The following LYRM4 variants were observed in gnomAD, a reference collection of about 807,000 sequenced individuals.
LYRM4 encodes the protein LYR motif-containing protein 4.
LYRM4 carries 9 observed loss-of-function variants against 11.7 expected under a neutral mutation model. The ratio of observed to expected loss-of-function variants is 0.77; its 90% CI spans 0.46 to 1.34. LYRM4 has a LOEUF of 1.34. LYRM4 is among the 40% of genes most tolerant of loss of function. The pLI is 0.00. For synonymous variants in LYRM4, 42 were observed against 40.4 expected (o/e 1.04, Z -0.15); for missense variants, 133 against 112.5 (o/e 1.18, Z -0.82).
the LYRM4 span, among the ~76,000 whole-genome samples, chr6:5,074,718 A>G: frequency 6.6e-6 from 1 of 150,620 alleles, no homozygotes; most frequent in East Asian, 1.9e-4. Flanking sequence ...CAAGTAAGGG[A>G]AGTGATTAAG....
At chr6:5,068,102 C>T in the LYRM4 span, among the ~76,000 whole-genome samples, 2 of 152,344 alleles carry the variant, frequency 1.3e-5, no homozygotes, top group South Asian at 2.1e-4. The surrounding 1 kb of genome is among the most constrained non-coding windows in gnomAD (Gnocchi z 4.0). Flanking sequence ...TGCCCACACT[C>T]TGATTGATTT....
intron 2 of LYRM4, among the ~76,000 whole-genome samples, chr6:5,197,946 G>A (rs553305279): frequency 6.6e-6 from 1 of 152,052 alleles, no homozygotes; most frequent in Non-Finnish European, 1.5e-5. Flanking sequence ...TGAGGTGGGC[G>A]GATCACCTGA....
intron 1 of LYRM4, among the ~76,000 whole-genome samples, chr6:5,257,405 C>T (rs984040140): frequency 6.6e-6 from 1 of 152,216 alleles, no homozygotes; most frequent in Non-Finnish European, 1.5e-5. Context: ...CAGCACTTAA[C>T]CCAGTCTGTG....
At chr6:5,060,616 C>T in the LYRM4 span, among the ~76,000 whole-genome samples, 1 of 152,044 alleles carries the variant, frequency 6.6e-6, no homozygotes, top group South Asian at 2.1e-4. Flanking sequence ...ACACGTCTGC[C>T]TCTCGGGTTC....
At chr6:5,153,090 T>C (rs1758186607) in intron 2 of LYRM4, among the ~76,000 whole-genome samples, 1 of 152,164 alleles carries the variant, frequency 6.6e-6, no homozygotes, top group Non-Finnish European at 1.5e-5. Context: ...GAACCATTGG[T>C]AATCTTATTA....
At chr6:5,181,225 G>A (rs574419690) in intron 2 of LYRM4, among the ~76,000 whole-genome samples, 1 of 152,298 alleles carries the variant, frequency 6.6e-6, no homozygotes, top group South Asian at 2.1e-4. Context: ...AAAAGAAAAT[G>A]TGAGCTTCTC....
intron 2 of LYRM4, among the ~76,000 whole-genome samples, chr6:5,198,278 C>T (rs1001518252): frequency 3.3e-5 from 5 of 152,076 alleles, no homozygotes; most frequent in Admixed American, 1.3e-4. Context: ...CATAAAACAC[C>T]CAAGTGCAAA....
At chr6:5,089,033 A>G in the LYRM4 span, 1 of 152,244 alleles carries the variant, frequency 6.6e-6, no homozygotes, top group African/African-American at 2.4e-5. Context: ...TGACTATGGC[A>G]GTGTTTCCCA....
At chr6:5,242,079 T>G (rs1763913692) in intron 1 of LYRM4, among the ~76,000 whole-genome samples, 1 of 151,808 alleles carries the variant, frequency 6.6e-6, no homozygotes, top group Admixed American at 6.6e-5. Flanking sequence ...TTACACTTTT[T>G]TTTTTTTTTT....
chr6:5,136,438 C>T, intron 2 of LYRM4: 3 of 979,776 alleles, frequency 3.1e-6, no homozygotes, highest in Non-Finnish European at 3.6e-6. Context: ...CAAGACAAAC[C>T]TGGTTTAAAC....
intron 2 of LYRM4, among the ~76,000 whole-genome samples, chr6:5,185,530 T>A (rs145725028): frequency 1.3e-5 from 2 of 152,222 alleles, no homozygotes; most frequent in African/African-American, 4.8e-5. Context: ...GTGCACAGTG[T>A]AACACCTGAC....
intron 2 of LYRM4, among the ~76,000 whole-genome samples, chr6:5,120,214 T>A (rs1196627113): frequency 6.6e-6 from 1 of 152,188 alleles, no homozygotes; most frequent in Non-Finnish European, 1.5e-5. Context: ...ATTATTTGAA[T>A]GGATCTCAAA....
At chr6:5,047,335 A>G in the LYRM4 span, among the ~76,000 whole-genome samples, 2 of 152,230 alleles carry the variant, frequency 1.3e-5, no homozygotes, top group Admixed American at 6.5e-5. Flanking sequence ...GGAAATATCT[A>G]TCAGTCTTTG....
chr6:5,058,361 A>C, the LYRM4 span, among the ~76,000 whole-genome samples: 8 of 152,248 alleles, frequency 5.3e-5, no homozygotes, highest in African/African-American at 1.9e-4. Context: ...GCCTGTCCCA[A>C]GCCTGCTTTC....
intron 1 of LYRM4, among the ~76,000 whole-genome samples, chr6:5,241,187 T>C (rs891414628): frequency 6.6e-6 from 1 of 150,758 alleles, no homozygotes; most frequent in Non-Finnish European, 1.5e-5. Flanking sequence ...AGATGGTTAA[T>C]AAAAAAAAAG....
intron 2 of LYRM4, among the ~76,000 whole-genome samples, chr6:5,180,204 C>T (rs1759987490): frequency 6.6e-6 from 1 of 152,182 alleles, no homozygotes; most frequent in African/African-American, 2.4e-5. Context: ...GATTCTTCCG[C>T]AGTTTACACC....
At chr6:5,084,048 C>G in the LYRM4 span, among the ~76,000 whole-genome samples, 1 of 152,178 alleles carries the variant, frequency 6.6e-6, no homozygotes. Flanking sequence ...GGCGGGAGGA[C>G]TGCTTGAGGC....
chr6:5,205,333 T>C (rs1761633302), intron 2 of LYRM4, among the ~76,000 whole-genome samples: 1 of 151,830 alleles, frequency 6.6e-6, no homozygotes, highest in African/African-American at 2.4e-5. Context: ...CCCAAGGACA[T>C]GGAAGGCCCA....
the LYRM4 span, among the ~76,000 whole-genome samples, chr6:5,080,301 A>AG: frequency 1.3e-5 from 2 of 152,242 alleles, no homozygotes; most frequent in African/African-American, 2.4e-5. Flanking sequence ...AAATAAAAAG[A>AG]GAAAAAAAGA....
Sources: allele counts gnomAD v4.1 joint callset (sites outside exome capture counted in the v4.1 genomes callset), GRCh38; gene constraint gnomAD v4.1.1; non-coding constraint Gnocchi (gnomAD v3.1); transcripts MANE v1.5; gene names NCBI Gene and HGNC (gene_info 2026-07-23, HGNC 2026-07-21).